Variants in IL33 observed in about 807,000 individuals in gnomAD.
IL33 encodes the protein interleukin 33.
Under a neutral mutation model 27.3 loss-of-function variants are expected in IL33, and 37 were observed. The observed-to-expected ratio is 1.36, with a 90% CI of 1.04 to 1.78. The LOEUF is 1.78. IL33 is among the 40% of genes most tolerant of loss of function. IL33 has a pLI of 0.00. For synonymous variants in IL33, 132 were observed against 102.9 expected (o/e 1.28, Z -1.71); for missense variants, 406 against 311.4 (o/e 1.30, Z -2.29).
rs1816775491 is a variant in IL33 at position 6,257,031 on chromosome 9, C to CA, written c.*863_*864insA. ...TGAGTCACAACATGTTTTAGAGCAT[C>CA]CAAGTACCATATAATCCAACTATCA... On this transcript the variant is annotated 3_prime_UTR_variant, in exon 8 of 8. Transcript: ENST00000682010. The CA allele has an allele frequency of 6.6e-6, 1 of 151,646 alleles. No individual in the cohort carries two copies. The highest frequency in any genetic ancestry group is 2.4e-5 in the African/African-American group (1 of 41,252). 9.4% of individuals were successfully genotyped at this position (151,646 alleles called of 1,614,324 possible). A position where few individuals can be genotyped will look rare whatever the true frequency, so the allele number is the denominator to read the frequency against.
chr9:6,254,671 G>A, intron 7 of IL33, 118 bp downstream of exon 7: 5 of 484,618 alleles, frequency 1.0e-5, no homozygotes, highest in Non-Finnish European at 1.8e-5. Flanking sequence ...TTTTTTGTGT[G>A]CTATTGTATA....
At chr9:6,226,792 G>A (rs1818654735) in intron 1 of IL33, among the ~76,000 whole-genome samples, 2 of 152,124 alleles carry the variant, frequency 1.3e-5, no homozygotes, top group South Asian at 4.1e-4. Flanking sequence ...GTGGCTTTCT[G>A]CTACCTGTTC....
chr9:6,218,027 G>A (rs937494255), intron 1 of IL33, among the ~76,000 whole-genome samples: 4 of 152,114 alleles, frequency 2.6e-5, no homozygotes, highest in African/African-American at 7.2e-5. Context: ...TTTCCACCCA[G>A]AAAATGTACC....
chr9:6,225,066 C>A (rs1005726540), intron 1 of IL33, among the ~76,000 whole-genome samples: 1 of 152,176 alleles, frequency 6.6e-6, no homozygotes, highest in South Asian at 2.1e-4. Flanking sequence ...TGTGCCAGAA[C>A]TGATTTCCAT....
chr9:6,251,120 T>G lies in IL33; in HGVS notation c.218-20T>G. 6.2e-7 allele frequency: 1 copy of G among 1,612,452 alleles called. No homozygotes were observed. Among genetic ancestry groups the G allele is most frequent in the Non-Finnish European group, 8.5e-7 (1 of 1,179,068 alleles). On this transcript the variant is annotated intron_variant, in intron 3 of 7. Coordinates refer to ENST00000682010, the MANE Select transcript of IL33 (RefSeq NM_033439.4). ...AGAGTGGGGATTGATGGTCTATCCC[T>G]AATCCCATCCGGTCTGCAGGTAGAA...
intron 2 of IL33, among the ~76,000 whole-genome samples, chr9:6,243,744 T>G (rs1033294363): frequency 1.3e-5 from 2 of 152,118 alleles, no homozygotes; most frequent in Admixed American, 1.3e-4. Context: ...GGAAAGAAAA[T>G]GGAGGATAAG....
intron 4 of IL33, 146 bp downstream of exon 4, chr9:6,251,411 C>A (rs59139754): frequency 8.7e-7 from 1 of 1,153,142 alleles, no homozygotes; most frequent in Non-Finnish European, 1.2e-6. Context: ...ATGTACCCAT[C>A]TAATAGTATC....
chr9:6,238,649 T>G (rs1384532216), intron 1 of IL33, among the ~76,000 whole-genome samples: 1 of 152,196 alleles, frequency 6.6e-6, no homozygotes, highest in Non-Finnish European at 1.5e-5. Flanking sequence ...ATTATTCATA[T>G]GAAGCTCATA....
At position 6,256,864 on chromosome 9, in the gene IL33, T is replaced by A. The variant is rs1347609368; in HGVS notation, c.*696T>A. The A allele has an allele frequency of 6.6e-6, 1 of 152,274 alleles. No homozygotes were observed. Among genetic ancestry groups the A allele is most frequent in the African/African-American group, 2.4e-5 (1 of 41,472 alleles). 9.4% of individuals were successfully genotyped at this position (152,274 alleles called of 1,614,324 possible). A position where few individuals can be genotyped will look rare whatever the true frequency, so the allele number is the denominator to read the frequency against. ...AATAACTTCATTTCTAATTGTTTAA[T>A]TTTTAAAATTCTGATTTTTATATAT... On this transcript the variant is annotated 3_prime_UTR_variant, in exon 8 of 8. Coordinates refer to ENST00000682010, the MANE Select transcript of IL33 (RefSeq NM_033439.4).
intron 6 of IL33, 62 bp from the exon 7 acceptor site, chr9:6,254,400 T>A: frequency 9.5e-7 from 1 of 1,049,524 alleles, no homozygotes; most frequent in Non-Finnish European, 1.4e-6. Context: ...GGTGTTGAAT[T>A]CATTTAAATA....
intron 1 of IL33, among the ~76,000 whole-genome samples, chr9:6,226,157 G>A (rs917602374): frequency 2.0e-5 from 3 of 151,826 alleles, no homozygotes; most frequent in African/African-American, 4.8e-5. Flanking sequence ...ACAGGTGTGT[G>A]CCACCACACC....
chr9:6,239,907 G>C (rs563145278), intron 1 of IL33, among the ~76,000 whole-genome samples: 10 of 152,218 alleles, frequency 6.6e-5, no homozygotes, highest in African/African-American at 2.4e-4. Flanking sequence ...GGTGGAGAAA[G>C]TACTAAGAAA....
At position 6,257,369 on chromosome 9, in the gene IL33, C is replaced by A. The variant is rs549378426; in HGVS notation, c.*1201C>A. 1 of 152,660 alleles carries A rather than the reference C, an allele frequency of 6.6e-6. No homozygotes were observed. The highest frequency in any genetic ancestry group is 6.5e-5 in the Admixed American group (1 of 15,296). 9.5% of individuals were successfully genotyped at this position (152,660 alleles called of 1,614,324 possible). Reference sequence around the variant, plus strand: ...GCCCTTGATATATCTTTTGCACCTGCTGAACTTCATTTCTGTATCACCTGA... The same window carrying A: ...GCCCTTGATATATCTTTTGCACCTGATGAACTTCATTTCTGTATCACCTGA... On this transcript the variant is annotated 3_prime_UTR_variant, in exon 8 of 8. Transcript: ENST00000682010.
chr9:6,253,098 A>G (rs1343871714), intron 5 of IL33, 107 bp downstream of exon 5: 1 of 784,716 alleles, frequency 1.3e-6, no homozygotes, highest in Non-Finnish European at 1.9e-6. Flanking sequence ...GACATGGCAA[A>G]CAGGTCATGC....
At position 6,255,997 on chromosome 9, in the gene IL33, C is replaced by T; in HGVS notation, c.642C>T (p.Asp214=). 6.2e-7 allele frequency: 1 copy of T among 1,613,690 alleles called. No homozygotes were observed. Among genetic ancestry groups the T allele is most frequent in the Non-Finnish European group, 8.5e-7 (1 of 1,179,650 alleles). The part of the protein sequence containing the change: ...ELHKCEKPLP[D]QAFFVLHNMH... ...ATAAGTGTGAAAAACCACTGCCAGA[C>T]CAGGCCTTCTTTGTCCTTCATAATA... Residue 214 remains aspartate (D), a synonymous_variant, in exon 8 of 8, where the codon GAC becomes GAT. Coordinates refer to ENST00000682010, the MANE Select transcript of IL33 (RefSeq NM_033439.4).
At chr9:6,231,172 A>G (rs1818909989) in intron 1 of IL33, among the ~76,000 whole-genome samples, 1 of 152,198 alleles carries the variant, frequency 6.6e-6, no homozygotes, top group Non-Finnish European at 1.5e-5. Flanking sequence ...TGATAGTCAC[A>G]GCACTAGTTT....
At chr9:6,252,819 T>C (rs1816481240) in intron 4 of IL33, 47 bp from the exon 5 acceptor site, 2 of 1,587,126 alleles carry the variant, frequency 1.3e-6, no homozygotes, top group African/African-American at 2.7e-5. Flanking sequence ...TTTAAAAAGG[T>C]TGCCAAAAGA....
At chr9:6,223,265 A>T (rs1408216441) in intron 1 of IL33, among the ~76,000 whole-genome samples, 2 of 152,282 alleles carry the variant, frequency 1.3e-5, no homozygotes, top group African/African-American at 4.8e-5. Context: ...TAATCATTTT[A>T]TAGACAAATT....
chr9:6,220,783 A>C (rs569427039), intron 1 of IL33, among the ~76,000 whole-genome samples: 15 of 152,236 alleles, frequency 9.9e-5, no homozygotes, highest in Admixed American at 2.6e-4. Context: ...TTTTTGAGAC[A>C]GAGTCTGTCA....
Sources: allele counts gnomAD v4.1 joint callset (sites outside exome capture counted in the v4.1 genomes callset), GRCh38; gene constraint gnomAD v4.1.1; transcripts MANE v1.5; gene names NCBI Gene and HGNC (gene_info 2026-07-23, HGNC 2026-07-21).